PTPRG: variants seen among roughly 807,000 people sequenced by gnomAD.
The protein encoded by PTPRG is protein tyrosine phosphatase receptor type G.
In PTPRG, 102 loss-of-function variants were observed where a neutral mutation model predicts 165.3. That is an observed-to-expected ratio of 0.62 (90% CI 0.53 to 0.73). The LOEUF (loss-of-function observed/expected upper bound fraction) is 0.73, where lower values mean the gene tolerates loss of function less well. PTPRG is among the 30% of genes least tolerant of loss of function. The pLI is 0.00. For missense variants in PTPRG, 1,866 were observed against 1,861.4 expected, an observed-to-expected ratio of 1.00 and a Z score of -0.05; for synonymous variants, 675 against 669.5, an observed-to-expected ratio of 1.01 and a Z score of -0.13.
chr3:62,034,560 G>A (rs1699881751), intron 4 of PTPRG, among the ~76,000 whole-genome samples: 1 of 152,162 alleles, frequency 6.6e-6, no homozygotes, highest in Admixed American at 6.5e-5. Flanking sequence ...CTTCTCTCTT[G>A]TAGTCTTCCT....
At chr3:61,753,716 C>G in intron 2 of PTPRG, 1 of 403,802 alleles carries the variant, frequency 2.5e-6, no homozygotes, top group Non-Finnish European at 4.8e-6. Context: ...GCTTCAGCCT[C>G]TCAAGTAGCT....
At chr3:62,064,455 A>G (rs1171290976) in intron 4 of PTPRG, among the ~76,000 whole-genome samples, 1 of 151,882 alleles carries the variant, frequency 6.6e-6, no homozygotes, top group African/African-American at 2.4e-5. Flanking sequence ...GGTCTGAAGC[A>G]ATCCTCCTGC....
chr3:61,950,214 C>CT (rs148253817), intron 2 of PTPRG, among the ~76,000 whole-genome samples: 1,611 of 152,310 alleles, frequency 0.011, 29 homozygotes, highest in African/African-American at 0.037. Flanking sequence ...ATTCTTTTGT[C>CT]TTTCCTCACA....
chr3:61,708,919 GTTAA>G (rs1330668776), intron 1 of PTPRG, among the ~76,000 whole-genome samples: 1 of 152,224 alleles, frequency 6.6e-6, no homozygotes, highest in East Asian at 1.9e-4. Context: ...AATCAAACAG[GTTAA>G]TTTTTAAAAT....
At chr3:61,789,272 T>A (rs1454746682) in intron 2 of PTPRG, among the ~76,000 whole-genome samples, 6 of 152,106 alleles carry the variant, frequency 3.9e-5, no homozygotes, top group African/African-American at 9.7e-5. Flanking sequence ...GCTCATTTTT[T>A]AAAATTTTTT....
At chr3:61,786,398 C>T (rs1047170569) in intron 2 of PTPRG, among the ~76,000 whole-genome samples, 2 of 152,108 alleles carry the variant, frequency 1.3e-5, no homozygotes, top group Admixed American at 6.5e-5. Context: ...TGTATTTGGC[C>T]GTGGCTTGAC....
intron 1 of PTPRG, among the ~76,000 whole-genome samples, chr3:61,567,756 G>A (rs1699952137): frequency 1.3e-5 from 2 of 151,826 alleles, no homozygotes; most frequent in Admixed American, 1.3e-4. Context: ...ACCCAGGTGG[G>A]CAGATTGCTT....
At chr3:61,602,784 G>C (rs78021842) in intron 1 of PTPRG, among the ~76,000 whole-genome samples, 2 of 152,074 alleles carry the variant, frequency 1.3e-5, no homozygotes, top group Non-Finnish European at 2.9e-5. Flanking sequence ...TGCTTGTGCC[G>C]GCTGGTGAGA....
chr3:62,081,277 C>A (rs147991711), intron 5 of PTPRG, among the ~76,000 whole-genome samples: 4,563 of 142,872 alleles, frequency 0.032, 583 homozygotes, highest in African/African-American at 0.13. Flanking sequence ...AACAAACAAA[C>A]AAACAAACAA....
chr3:62,141,480 T>C (rs367718936), intron 6 of PTPRG, among the ~76,000 whole-genome samples: 1 of 152,084 alleles, frequency 6.6e-6, no homozygotes, highest in South Asian at 2.1e-4. Flanking sequence ...CCACCTGTAG[T>C]CCCAGCTATT....
intron 2 of PTPRG, among the ~76,000 whole-genome samples, chr3:61,942,625 A>G (rs948158816): frequency 6.6e-6 from 1 of 152,334 alleles, no homozygotes; most frequent in South Asian, 2.1e-4. Flanking sequence ...TAAGAGATGA[A>G]GAAACTGAGA....
At position 62,261,473 on chromosome 3, in the gene PTPRG, A is replaced by T. The variant is rs150173327; in HGVS notation, c.2560-1325A>T. 6.6e-5 allele frequency among the ~76,000 whole-genome samples: 10 copies of T among 152,324 alleles called. No individual in the cohort carries two copies. The East Asian group carries it at 1.9e-3, about 29-fold the overall frequency. On this transcript the variant is annotated intron_variant, in intron 16 of 29. Coordinates refer to ENST00000474889, the MANE Select transcript of PTPRG (RefSeq NM_002841.4). ...AGCTCCTTAAACCAGTGTTTTCCAAACCATAGGTTATAAACTATGTTAGAA... is the reference window on the plus strand; with the variant it reads ...AGCTCCTTAAACCAGTGTTTTCCAATCCATAGGTTATAAACTATGTTAGAA...
chr3:61,649,129 CTCCCTTT>C (rs1386620865), intron 1 of PTPRG, among the ~76,000 whole-genome samples: 65 of 151,672 alleles, frequency 4.3e-4, no homozygotes, highest in Admixed American at 7.2e-4. Context: ...CCCTCCCTCC[CTCCCTTT>C]TCCCTTTTCA....
intron 3 of PTPRG, among the ~76,000 whole-genome samples, chr3:61,997,785 A>G (rs6788568): frequency 0.19 from 28,374 of 152,184 alleles, 2,877 homozygotes; most frequent in Non-Finnish European, 0.23. Context: ...ATGAATGTCA[A>G]TGTCTACAGG....
At chr3:61,583,851 A>G (rs943416783) in intron 1 of PTPRG, among the ~76,000 whole-genome samples, 2 of 152,112 alleles carry the variant, frequency 1.3e-5, no homozygotes, top group East Asian at 1.9e-4. Context: ...GAGATGTCCA[A>G]GGTTCTCTCA....
At chr3:61,621,077 G>GTGTGTGTGTGTA (rs1553641517) in intron 1 of PTPRG, among the ~76,000 whole-genome samples, 9 of 144,910 alleles carry the variant, frequency 6.2e-5, no homozygotes, top group Non-Finnish European at 9.0e-5. Flanking sequence ...GTGTGTGTGT[G>GTGTGTGTGTGTA]TATATTTATT....
intron 2 of PTPRG, among the ~76,000 whole-genome samples, chr3:61,830,623 G>A (rs2036257580): frequency 7.4e-6 from 1 of 134,758 alleles, no homozygotes; most frequent in Non-Finnish European, 1.5e-5. Flanking sequence ...TGCCCATGCT[G>A]GAGTGCAATG....
intron 4 of PTPRG, among the ~76,000 whole-genome samples, chr3:62,062,754 C>T (rs1396106925): frequency 6.6e-6 from 1 of 152,118 alleles, no homozygotes; most frequent in African/African-American, 2.4e-5. Context: ...TGACCTCCTT[C>T]TGGGCTCAAG....
At chr3:62,153,611 A>G (rs1704424716) in intron 6 of PTPRG, among the ~76,000 whole-genome samples, 1 of 152,248 alleles carries the variant, frequency 6.6e-6, no homozygotes, top group African/African-American at 2.4e-5. Context: ...ACATGACAGA[A>G]CATTGGTAGC....
Sources: allele counts gnomAD v4.1 joint callset (sites outside exome capture counted in the v4.1 genomes callset), GRCh38; gene constraint gnomAD v4.1.1; transcripts MANE v1.5; gene names NCBI Gene and HGNC (gene_info 2026-07-23, HGNC 2026-07-21).